The following DSCAM variants were observed in gnomAD, a reference collection of about 807,000 sequenced individuals.
The protein encoded by DSCAM is DS cell adhesion molecule.
A neutral mutation model predicts 217.7 loss-of-function variants in DSCAM; 47 were observed. The observed-to-expected ratio is 0.22, with a 90% confidence interval of 0.17 to 0.28. The LOEUF is 0.28. Ranked by LOEUF, DSCAM falls within the 10% of genes least tolerant of loss-of-function variation. DSCAM has a pLI of 1.00. For synonymous variants in DSCAM, 1,056 were observed against 1,015.3 expected, an observed-to-expected ratio of 1.04 and a Z score of -0.76; for missense variants, 2,080 against 2,618.3, an observed-to-expected ratio of 0.79 and a Z score of 4.49.
Position 40,600,978 on chromosome 21 carries a change from G to A in DSCAM, c.508+91832C>T, listed in dbSNP as rs561005846. 2.7e-4 allele frequency among the ~76,000 whole-genome samples: 41 copies of A among 152,234 alleles called. No homozygotes were observed. In the South Asian group the frequency reaches 3.9e-3, roughly 15 times the overall value. On this transcript the variant is annotated intron_variant, in intron 3 of 32. Coordinates refer to ENST00000400454, the MANE Select transcript of DSCAM (RefSeq NM_001389.5). ...GTCAGGTAATGTCAGTTCTCTCATG[G>A]TTCTTCTACAGTATCTCCTTGCCTA... is the stretch of plus-strand genomic sequence containing the variant.
At chr21:40,171,205 G>A (rs2090653622) in intron 15 of DSCAM, among the ~76,000 whole-genome samples, 1 of 152,154 alleles carries the variant, frequency 6.6e-6, no homozygotes, top group African/African-American at 2.4e-5. Flanking sequence ...AATCTCCCAA[G>A]TAGTTGGGAT....
intron 3 of DSCAM, among the ~76,000 whole-genome samples, chr21:40,659,494 A>T (rs1246777649): frequency 1.3e-5 from 2 of 151,888 alleles, no homozygotes; most frequent in East Asian, 1.9e-4. Flanking sequence ...TCTACTATTT[A>T]TCTATTATCT....
At chr21:40,403,349 G>C (rs999208897) in intron 3 of DSCAM, among the ~76,000 whole-genome samples, 1 of 150,656 alleles carries the variant, frequency 6.6e-6, no homozygotes, top group Non-Finnish European at 1.5e-5. Flanking sequence ...CCAGGCTGGA[G>C]TGCAGTGATG....
At chr21:40,413,269 G>T (rs2075339988) in intron 3 of DSCAM, among the ~76,000 whole-genome samples, 1 of 152,198 alleles carries the variant, frequency 6.6e-6, no homozygotes, top group Non-Finnish European at 1.5e-5. Flanking sequence ...CTGTCCTCCA[G>T]ACCCCAGAAA....
intron 2 of DSCAM, among the ~76,000 whole-genome samples, chr21:40,694,399 T>A (rs2090573846): frequency 6.6e-6 from 1 of 152,158 alleles, no homozygotes; most frequent in African/African-American, 2.4e-5. Flanking sequence ...CCAACAAAGC[T>A]AAAGGTGAAT....
intron 31 of DSCAM, 29 bp downstream of exon 31, chr21:40,044,049 G>A (rs766243191): frequency 1.4e-5 from 22 of 1,611,360 alleles, no homozygotes; most frequent in Non-Finnish European, 1.3e-5. Flanking sequence ...CTGGTCCCCA[G>A]GGACGGAGGA....
At chr21:40,551,475 G>C (rs745711478) in intron 3 of DSCAM, among the ~76,000 whole-genome samples, 7 of 152,296 alleles carry the variant, frequency 4.6e-5, no homozygotes, top group Admixed American at 2.0e-4. Context: ...TGCCCTTAGA[G>C]ACAATAGATA....
rs36229663 is a variant in DSCAM, at chr21:40,843,368, A to ATGTGTGTG, written c.43+3243_43+3250dup. ...AAAAGATGATGTCAGGAATGCATGC[A>ATGTGTGTG]TGTGTGTGTGTGTGTGTGTGTGTGT... On this transcript the variant is annotated intron_variant, in intron 1 of 32. Transcript: ENST00000400454. Among the ~76,000 whole-genome samples the ATGTGTGTG allele has an allele frequency of 4.9e-4, 72 of 146,162 alleles. 2 individuals carry two copies. Among genetic ancestry groups the ATGTGTGTG allele is most frequent in the Admixed American group, 6.8e-4 (10 of 14,644 alleles).
At chr21:40,299,307 G>A (rs1487413904) in intron 9 of DSCAM, among the ~76,000 whole-genome samples, 5 of 152,154 alleles carry the variant, frequency 3.3e-5, no homozygotes, top group Admixed American at 1.3e-4. Flanking sequence ...ACAGAAGACT[G>A]TCATGAATGT....
intron 3 of DSCAM, among the ~76,000 whole-genome samples, chr21:40,616,383 C>G (rs76891914): frequency 6.6e-6 from 1 of 152,104 alleles, no homozygotes; most frequent in African/African-American, 2.4e-5. Flanking sequence ...CTAGTTGGTT[C>G]GTACCAAGTC....
rs371827934 is a variant in DSCAM, at chr21:40,708,673, C to T, written c.142G>A (p.Ala48Thr). The change falls in exon 2 of 33, where the codon GCA becomes ACA. Residue 48 changes from alanine to threonine, a missense_variant. By Grantham distance (58) the Ala-to-Thr change is moderately conservative (BLOSUM62 0). Coordinates refer to ENST00000400454, the MANE Select transcript of DSCAM (RefSeq NM_001389.5). Reference sequence around the variant, plus strand: ...AGAGTCACAGGAGGGATGCCTGCTGCGGGGCAGGGCACCAGAGTCCCCGTG... The same window carrying T: ...AGAGTCACAGGAGGGATGCCTGCTGTGGGGCAGGGCACCAGAGTCCCCGTG... ...STTGTLVPCP[A>T]AGIPPVTLRW... is the part of the protein sequence containing the mutation. The T allele has an allele frequency of 9.9e-6, 16 of 1,612,700 alleles. No individual in the cohort carries two copies. Among genetic ancestry groups the T allele is most frequent in the Admixed American group, 6.7e-5 (4 of 59,796 alleles).
intron 17 of DSCAM, among the ~76,000 whole-genome samples, chr21:40,143,833 A>T (rs1350964547): frequency 6.6e-6 from 1 of 152,184 alleles, no homozygotes; most frequent in African/African-American, 2.4e-5. Flanking sequence ...ACAAGAGGTA[A>T]ATGTAGTGCC....
chr21:40,232,125 T>G (rs943985197), intron 11 of DSCAM, among the ~76,000 whole-genome samples: 10 of 152,222 alleles, frequency 6.6e-5, no homozygotes, highest in Non-Finnish European at 1.3e-4. Context: ...GGAATTCCAC[T>G]ACTTCTGCAT....
chr21:40,557,447 C>T (rs886679318), intron 3 of DSCAM, among the ~76,000 whole-genome samples: 2 of 152,078 alleles, frequency 1.3e-5, no homozygotes, highest in Non-Finnish European at 2.9e-5. Context: ...CTCTGCCTCC[C>T]GGGTTCATGC....
chr21:40,840,594 T>C (rs989371733), intron 1 of DSCAM, among the ~76,000 whole-genome samples: 1 of 152,194 alleles, frequency 6.6e-6, no homozygotes, highest in Admixed American at 6.5e-5. Context: ...ATAGCTGTTG[T>C]GCAACAGTGA....
chr21:40,806,359 C>CA (rs11455227), intron 1 of DSCAM, among the ~76,000 whole-genome samples: 68,255 of 151,560 alleles, frequency 0.45, 17,211 homozygotes, highest in South Asian at 0.66. Context: ...CCTGAAGATG[C>CA]AAAAAAAAGT....
chr21:40,415,926 C>T (rs2075367290), intron 3 of DSCAM, among the ~76,000 whole-genome samples: 1 of 152,138 alleles, frequency 6.6e-6, no homozygotes, highest in African/African-American at 2.4e-5. Context: ...TTTTATAGCT[C>T]AGATTTTCTA....
chr21:40,593,697 A>G (rs2077000519), intron 3 of DSCAM, among the ~76,000 whole-genome samples: 1 of 152,212 alleles, frequency 6.6e-6, no homozygotes, highest in Admixed American at 6.5e-5. Context: ...AGCATCATGT[A>G]TCATGGTCAT....
chr21:40,423,161 A>T (rs758244024), intron 3 of DSCAM, among the ~76,000 whole-genome samples: 9 of 152,196 alleles, frequency 5.9e-5, no homozygotes, highest in Non-Finnish European at 1.0e-4. Context: ...TGGGTAATTT[A>T]TGTACCCTCT....
Sources: allele counts gnomAD v4.1 joint callset (sites outside exome capture counted in the v4.1 genomes callset), GRCh38; gene constraint gnomAD v4.1.1; transcripts MANE v1.5; gene names NCBI Gene and HGNC (gene_info 2026-07-23, HGNC 2026-07-21).